PIGK: variants seen among roughly 807,000 people sequenced by gnomAD.
PIGK encodes phosphatidylinositol glycan anchor biosynthesis class K.
In PIGK, 42 loss-of-function variants were observed where a neutral mutation model predicts 50.6. The ratio of observed to expected loss-of-function variants is 0.83; its 90% CI spans 0.65 to 1.07. The LOEUF is 1.07. Among genes scored for constraint, PIGK ranks in the 50% least tolerant of loss-of-function variants. The probability of loss-of-function intolerance (pLI) is 0.00; values close to 1 mark genes in which losing one functional copy is unlikely to be tolerated. For synonymous variants in PIGK, 151 were observed against 156.0 expected, an observed-to-expected ratio of 0.97 and a Z score of 0.24; for missense variants, 448 against 488.7, an observed-to-expected ratio of 0.92 and a Z score of 0.78.
chr1:77,157,523 T>C (rs1219488833), intron 8 of PIGK, among the ~76,000 whole-genome samples: 1 of 152,204 alleles, frequency 6.6e-6, no homozygotes, highest in Non-Finnish European at 1.5e-5. Flanking sequence ...ATGCCTTACA[T>C]AAATTATAAA....
At chr1:77,157,522 A>G (rs74092434) in intron 8 of PIGK, among the ~76,000 whole-genome samples, 2,126 of 152,330 alleles carry the variant, frequency 0.014, 53 homozygotes, top group African/African-American at 0.049. Context: ...CATGCCTTAC[A>G]TAAATTATAA....
chr1:77,117,598 A>C (rs1279313640), intron 10 of PIGK, among the ~76,000 whole-genome samples: 2 of 152,186 alleles, frequency 1.3e-5, no homozygotes, highest in African/African-American at 4.8e-5. Flanking sequence ...ACCTTCCCAG[A>C]GTTCTGCAGT....
chr1:77,196,248 A>G (rs1656033217), intron 3 of PIGK, among the ~76,000 whole-genome samples: 2 of 152,110 alleles, frequency 1.3e-5, no homozygotes, highest in Admixed American at 6.6e-5. Flanking sequence ...ATGTAGGTTT[A>G]TTCTATGTCT....
Position 77,169,299 on chromosome 1 carries a change from C to A in PIGK, c.336G>T (p.Val112=), listed in dbSNP as rs887995011. 8.8e-6 allele frequency: 14 copies of A among 1,591,170 alleles called. No homozygotes were observed. In the African/African-American group the frequency reaches 1.3e-4, roughly 15 times the overall value. ...VFSHKNMELN[V]YGDDVEVDYR... ...AATCCACTTCCACATCATCTCCATA[C>A]ACATTTAGTTCCATATTCTTGTGAC... Residue 112 remains valine (V), a synonymous_variant, in exon 4 of 11, where the codon GTG becomes GTT. Coordinates refer to ENST00000370812, the MANE Select transcript of PIGK (RefSeq NM_005482.3).
At chr1:77,136,516 G>A (rs1345204523) in intron 9 of PIGK, among the ~76,000 whole-genome samples, 1 of 117,078 alleles carries the variant, frequency 8.5e-6, no homozygotes, top group African/African-American at 3.4e-5. Context: ...GCGACTGGGC[G>A]ACAGAGCGAG....
intron 10 of PIGK, among the ~76,000 whole-genome samples, chr1:77,099,243 A>G (rs1284789125): frequency 6.6e-6 from 1 of 152,202 alleles, no homozygotes; most frequent in East Asian, 1.9e-4. Flanking sequence ...TGAATCTGAA[A>G]TATGATGTTT....
chr1:77,131,606 T>C (rs1246973698), intron 9 of PIGK, among the ~76,000 whole-genome samples: 4 of 152,154 alleles, frequency 2.6e-5, no homozygotes, highest in African/African-American at 7.2e-5. Flanking sequence ...AAAAACATTA[T>C]CATTTATGAT....
In PIGK at chr1:77,219,397, G is replaced by T. The variant is rs754557162; in HGVS notation, c.6C>A (p.Ala2=). 3.7e-6 allele frequency: 6 copies of T among 1,612,936 alleles called. No individual in the cohort carries two copies. Among genetic ancestry groups the T allele is most frequent in the Admixed American group, 3.3e-5 (2 of 59,970 alleles). M[A]VTDSLSRAAT... Reference sequence around the variant, plus strand: ...CAGCCCGGCTGAGGCTGTCGGTGACGGCCATGTTTACCGGCTTCAGACTTC... The same window carrying T: ...CAGCCCGGCTGAGGCTGTCGGTGACTGCCATGTTTACCGGCTTCAGACTTC... Residue 2 remains alanine (A), a synonymous_variant, in exon 1 of 11, where the codon GCC becomes GCA. Transcript: ENST00000370812.
At chr1:77,139,024 C>T (rs942306752) in intron 9 of PIGK, among the ~76,000 whole-genome samples, 1 of 152,114 alleles carries the variant, frequency 6.6e-6, no homozygotes, top group African/African-American at 2.4e-5. Flanking sequence ...TTCCAGCCCA[C>T]TCTCTGATTG....
At chr1:77,131,153 G>A (rs780556787) in intron 9 of PIGK, among the ~76,000 whole-genome samples, 53 of 151,360 alleles carry the variant, frequency 3.5e-4, no homozygotes, top group Non-Finnish European at 6.1e-4. Context: ...ATGTATAATC[G>A]GGTGGCTTAT....
chr1:77,114,804 T>C (rs1570192101), intron 10 of PIGK, among the ~76,000 whole-genome samples: 1 of 152,184 alleles, frequency 6.6e-6, no homozygotes, highest in African/African-American at 2.4e-5. Flanking sequence ...TTAGTTTTCA[T>C]TACTTGCCTT....
intron 6 of PIGK, among the ~76,000 whole-genome samples, chr1:77,163,626 T>C (rs1484523006): frequency 1.3e-5 from 2 of 152,146 alleles, no homozygotes; most frequent in Non-Finnish European, 2.9e-5. Flanking sequence ...TAACAAGAGA[T>C]GGAATCTTAA....
At chr1:77,145,339 C>G (rs1654745108) in intron 9 of PIGK, among the ~76,000 whole-genome samples, 1 of 151,714 alleles carries the variant, frequency 6.6e-6, no homozygotes, top group Non-Finnish European at 1.5e-5. Context: ...AATAAAAAGC[C>G]TGCTGGGGTT....
intron 3 of PIGK, among the ~76,000 whole-genome samples, chr1:77,203,653 G>T (rs1415205611): frequency 6.6e-6 from 1 of 152,020 alleles, no homozygotes; most frequent in Non-Finnish European, 1.5e-5. Flanking sequence ...CTAATGCTGG[G>T]GGAAGTCAGG....
At chr1:77,175,119 T>C (rs1305419280) in intron 3 of PIGK, among the ~76,000 whole-genome samples, 1 of 148,472 alleles carries the variant, frequency 6.7e-6, no homozygotes, top group East Asian at 1.9e-4. Context: ...AATAAAGACA[T>C]TTGTTCTTAA....
chr1:77,162,718 A>G (rs2100556441), intron 6 of PIGK, among the ~76,000 whole-genome samples: 1 of 152,286 alleles, frequency 6.6e-6, no homozygotes. Context: ...GGAACCTAGA[A>G]AACAAAGCAT....
At chr1:77,130,221 C>T (rs74766877) in intron 9 of PIGK, among the ~76,000 whole-genome samples, 1,033 of 38,508 alleles carry the variant, frequency 0.027, 21 homozygotes, top group African/African-American at 0.12. Context: ...ATATGATATT[C>T]TATTTCGTTA....
chr1:77,209,137 C>G (rs1299454877), intron 2 of PIGK, among the ~76,000 whole-genome samples: 1 of 152,098 alleles, frequency 6.6e-6, no homozygotes, highest in Non-Finnish European at 1.5e-5. Flanking sequence ...TGAACCTATT[C>G]TCTATTTCCC....
chr1:77,147,445 G>T (rs1333987144), intron 9 of PIGK, among the ~76,000 whole-genome samples: 1 of 152,124 alleles, frequency 6.6e-6, no homozygotes, highest in Admixed American at 6.5e-5. Flanking sequence ...AACATAAGAG[G>T]TGAGTGTTTA....
Sources: allele counts gnomAD v4.1 joint callset (sites outside exome capture counted in the v4.1 genomes callset), GRCh38; gene constraint gnomAD v4.1.1; transcripts MANE v1.5; gene names NCBI Gene and HGNC (gene_info 2026-07-23, HGNC 2026-07-21).